The following ZEB1 variants were observed in gnomAD, a reference collection of about 807,000 sequenced individuals.
The protein encoded by ZEB1 is zinc finger E-box binding homeobox 1.
Under a neutral mutation model 84.9 loss-of-function variants are expected in ZEB1, and 21 were observed. The ratio of observed to expected loss-of-function variants is 0.25; its 90% CI spans 0.18 to 0.36. The LOEUF (loss-of-function observed/expected upper bound fraction) is 0.36. Ranked by LOEUF, ZEB1 falls within the 10% of genes least tolerant of loss-of-function variation. ZEB1 has a pLI of 1.00. For missense variants in ZEB1, 1,104 were observed against 1,330.2 expected, an observed-to-expected ratio of 0.83 and a Z score of 2.65; for synonymous variants, 420 against 471.1, an observed-to-expected ratio of 0.89 and a Z score of 1.41.
intron 1 of ZEB1, among the ~76,000 whole-genome samples, chr10:31,425,879 A>G (rs2056861733): frequency 6.6e-6 from 1 of 152,186 alleles, no homozygotes; most frequent in Non-Finnish European, 1.5e-5. Context: ...AGGATGGTAT[A>G]ATTGTTTGAA....
At chr10:31,394,966 C>G (rs1443158302) in intron 1 of ZEB1, among the ~76,000 whole-genome samples, 1 of 152,082 alleles carries the variant, frequency 6.6e-6, no homozygotes. Context: ...AGAGATAACT[C>G]CTGGGTCCTG....
At chr10:31,343,286 T>A (rs547466746) in intron 1 of ZEB1, among the ~76,000 whole-genome samples, 26 of 152,250 alleles carry the variant, frequency 1.7e-4, no homozygotes, top group African/African-American at 6.3e-4. Context: ...GCAATCCTGT[T>A]TCATTTTTAG....
intron 1 of ZEB1, among the ~76,000 whole-genome samples, chr10:31,430,744 ATATATT>A (rs2057611407): frequency 6.6e-6 from 1 of 152,242 alleles, no homozygotes. Context: ...GTCTATGGAA[ATATATT>A]TAGATTATAA....
rs372002262 is a variant in ZEB1 at position 31,514,715 on chromosome 10, A to AT, written c.793+15dup. On this transcript the variant is annotated splice_region_variant and intron_variant, in intron 6 of 8. Coordinates refer to ENST00000424869, the MANE Select transcript of ZEB1 (RefSeq NM_001174096.2). ...CACTTAAGAATTCACAGTGGTAAAT[A>AT]TTTTTTTTCTTTCTATACCCTGAAT... 29 of 1,606,572 alleles carry AT rather than the reference A, an allele frequency of 1.8e-5. No individual in the cohort carries two copies. Among genetic ancestry groups the AT allele is most frequent in the Non-Finnish European group, 2.2e-5 (26 of 1,174,344 alleles).
At chr10:31,374,478 T>C (rs2046257044) in intron 1 of ZEB1, among the ~76,000 whole-genome samples, 1 of 151,874 alleles carries the variant, frequency 6.6e-6, no homozygotes, top group South Asian at 2.1e-4. Flanking sequence ...AGGTAGGTGC[T>C]GAGAATAAAA....
chr10:31,429,088 G>T (rs985450011), intron 1 of ZEB1, among the ~76,000 whole-genome samples: 2 of 152,122 alleles, frequency 1.3e-5, no homozygotes, highest in Admixed American at 6.5e-5. Flanking sequence ...GATATGTGTG[G>T]ATTTGATGCT....
intron 1 of ZEB1, among the ~76,000 whole-genome samples, chr10:31,367,648 A>T (rs540536158): frequency 9.2e-5 from 14 of 152,336 alleles, no homozygotes; most frequent in African/African-American, 2.6e-4. Context: ...CATGAAAAGG[A>T]TGAGGCATAT....
intron 1 of ZEB1, among the ~76,000 whole-genome samples, chr10:31,364,133 G>A (rs1359942145): frequency 6.6e-6 from 1 of 152,236 alleles, no homozygotes; most frequent in Non-Finnish European, 1.5e-5. Flanking sequence ...GTGGCTGGGT[G>A]CACACTGGGC....
At chr10:31,475,924 A>C (rs943313516) in intron 2 of ZEB1, among the ~76,000 whole-genome samples, 1 of 152,096 alleles carries the variant, frequency 6.6e-6, no homozygotes, top group Non-Finnish European at 1.5e-5. Context: ...ATGGGAAAAA[A>C]ACACACATAT....
rs1035424862 is a variant in ZEB1 at position 31,521,606 on chromosome 10, G to C, written c.2274G>C (p.Gln758His). 1.9e-6 allele frequency: 3 copies of C among 1,614,098 alleles called. No individual in the cohort carries two copies. The highest frequency in any genetic ancestry group is 1.7e-6 in the Non-Finnish European group (2 of 1,180,022). The change falls in exon 7 of 9, where the codon CAG (glutamine) becomes CAC (histidine). Residue 758 changes from glutamine to histidine, a missense_variant. Coordinates refer to ENST00000424869, the MANE Select transcript of ZEB1 (RefSeq NM_001174096.2). ...LERSTITSVY[Q>H]NSVYSVQEEP... Reference sequence around the variant, plus strand: ...GGTCAACTATCACTAGTGTTTACCAGAACAGTGTTTATTCTGTCCAGGAAG... The same window carrying C: ...GGTCAACTATCACTAGTGTTTACCACAACAGTGTTTATTCTGTCCAGGAAG...
intron 1 of ZEB1, among the ~76,000 whole-genome samples, chr10:31,455,301 A>C (rs1042019680): frequency 6.6e-6 from 1 of 152,204 alleles, no homozygotes; most frequent in Non-Finnish European, 1.5e-5. Flanking sequence ...ACCTAAAACC[A>C]TGAAAACCCT....
chr10:31,452,266 A>G (rs991579572), intron 1 of ZEB1, among the ~76,000 whole-genome samples: 4 of 152,114 alleles, frequency 2.6e-5, no homozygotes, highest in Non-Finnish European at 4.4e-5. Context: ...AAATTAGATA[A>G]TATACACATT....
intron 2 of ZEB1, among the ~76,000 whole-genome samples, chr10:31,468,365 C>G (rs968605645): frequency 6.6e-6 from 1 of 152,186 alleles, no homozygotes; most frequent in African/African-American, 2.4e-5. Flanking sequence ...CCAGCATCAC[C>G]TACTGGCCAG....
At chr10:31,462,742 G>T (rs912608393) in intron 2 of ZEB1, among the ~76,000 whole-genome samples, 6 of 152,110 alleles carry the variant, frequency 3.9e-5, no homozygotes, top group Non-Finnish European at 5.9e-5. Context: ...GCTATGAGAA[G>T]AACATCATTA....
chr10:31,321,490 A>T (rs780858621), intron 1 of ZEB1: 1 of 1,614,016 alleles, frequency 6.2e-7, no homozygotes, highest in East Asian at 2.2e-5. Context: ...TGTGTGTTCC[A>T]TATTGAGCTG....
chr10:31,463,788 A>G (rs191841056), intron 2 of ZEB1, among the ~76,000 whole-genome samples: 114 of 152,334 alleles, frequency 7.5e-4, no homozygotes, highest in Non-Finnish European at 1.4e-3. Context: ...ACAAATATCT[A>G]TTGGCACCAG....
chr10:31,319,152 A>AGGGGTG, upstream of ZEB1: 1 of 276,666 alleles, frequency 3.6e-6, no homozygotes, highest in Non-Finnish European at 5.6e-6. Context: ...GGGAGGGGGG[A>AGGGGTG]GGGGTGGAGG....
intron 1 of ZEB1, among the ~76,000 whole-genome samples, chr10:31,397,167 T>TATTATC (rs1491282733): frequency 7.0e-6 from 1 of 142,230 alleles, no homozygotes; most frequent in African/African-American, 2.6e-5. Flanking sequence ...TTTTTATTAT[T>TATTATC]ATTATTATTA....
chr10:31,464,639 G>A (rs992896880), intron 2 of ZEB1, among the ~76,000 whole-genome samples: 3 of 152,180 alleles, frequency 2.0e-5, no homozygotes, highest in Admixed American at 1.3e-4. Context: ...AGTTTTGAAA[G>A]CAGCAAAAGA....
Sources: gnomAD v4.1 joint callset for allele counts (sites outside exome capture counted in the v4.1 genomes callset) on GRCh38, gnomAD v4.1.1 for gene constraint, MANE v1.5 for transcripts, NCBI Gene and HGNC (gene_info 2026-07-23, HGNC 2026-07-21) for gene names.